Variants in ZBTB20 observed in about 807,000 individuals in gnomAD.
The protein encoded by ZBTB20 is zinc finger and BTB domain containing 20, also known as zinc finger and BTB domain-containing protein 20.
Under a neutral mutation model 56.9 loss-of-function variants are expected in ZBTB20, and 9 were observed. The ratio of observed to expected loss-of-function variants is 0.16; its 90% confidence interval spans 0.10 to 0.28. The LOEUF (loss-of-function observed/expected upper bound fraction) is 0.28, where lower values mean the gene tolerates loss of function less well. Among genes scored for constraint, ZBTB20 ranks in the 10% least tolerant of loss-of-function variants. ZBTB20 has a pLI of 1.00. For missense variants in ZBTB20, 655 were observed against 1,003.0 expected (o/e 0.65, Z 4.69); for synonymous variants, 417 against 420.7 (o/e 0.99, Z 0.11).
intron 7 of ZBTB20, among the ~76,000 whole-genome samples, chr3:114,434,541 G>GGGGTGTGTGTGTGTGTTTGT (rs1553711977): frequency 0.069 from 5,925 of 85,430 alleles, 164 homozygotes; most frequent in Non-Finnish European, 0.12. Flanking sequence ...CTGCAATTGG[G>GGGGTGTGTGTGTGTGTTTGT]GTGTGTGTGT....
At chr3:114,634,015 T>G (rs977183074) in intron 6 of ZBTB20, among the ~76,000 whole-genome samples, 1 of 152,176 alleles carries the variant, frequency 6.6e-6, no homozygotes, top group African/African-American at 2.4e-5. Flanking sequence ...CCACCCAAGT[T>G]CTACCTCATT....
chr3:115,132,413 AG>A (rs2108671873), intron 1 of ZBTB20, among the ~76,000 whole-genome samples: 1 of 152,254 alleles, frequency 6.6e-6, no homozygotes, highest in South Asian at 2.1e-4. Context: ...TCATTTTTCT[AG>A]ATTTTAAAAT....
At chr3:114,453,336 A>C (rs1009211437) in intron 7 of ZBTB20, among the ~76,000 whole-genome samples, 1 of 152,178 alleles carries the variant, frequency 6.6e-6, no homozygotes, top group Non-Finnish European at 1.5e-5. Flanking sequence ...AATTAGAAAC[A>C]AAAATAAAAT....
intron 4 of ZBTB20, among the ~76,000 whole-genome samples, chr3:114,871,907 T>TA (rs1349414051): frequency 1.3e-5 from 2 of 152,164 alleles, no homozygotes; most frequent in African/African-American, 4.8e-5. Flanking sequence ...AATATGCTCC[T>TA]AATCTTCCCT....
intron 2 of ZBTB20, among the ~76,000 whole-genome samples, chr3:114,983,690 T>C (rs762318519): frequency 2.6e-5 from 4 of 152,022 alleles, no homozygotes; most frequent in Non-Finnish European, 5.9e-5. Context: ...ATAAAATATA[T>C]TAACAGCTAT....
intron 6 of ZBTB20, among the ~76,000 whole-genome samples, chr3:114,502,248 A>G (rs2044077192): frequency 6.6e-6 from 1 of 152,198 alleles, no homozygotes; most frequent in African/African-American, 2.4e-5. Context: ...ACTAAAGGAG[A>G]TCAAGTAGAA....
At chr3:114,926,696 G>A (rs1324213967) in intron 3 of ZBTB20, among the ~76,000 whole-genome samples, 4 of 152,158 alleles carry the variant, frequency 2.6e-5, no homozygotes, top group African/African-American at 4.8e-5. Context: ...AGGTAAGAAT[G>A]CAAGTAAAAT....
intron 5 of ZBTB20, among the ~76,000 whole-genome samples, chr3:114,709,137 T>C (rs565246398): frequency 6.6e-6 from 1 of 152,254 alleles, no homozygotes; most frequent in Non-Finnish European, 1.5e-5. Flanking sequence ...TAATCTTAGG[T>C]TCCTGCTTAG....
At chr3:114,679,932 T>C (rs945837158) in intron 6 of ZBTB20, among the ~76,000 whole-genome samples, 3 of 152,154 alleles carry the variant, frequency 2.0e-5, no homozygotes, top group Non-Finnish European at 4.4e-5. Flanking sequence ...GTAGCACATA[T>C]ACACATGGAA....
chr3:114,968,953 A>C (rs1301802065), intron 3 of ZBTB20, among the ~76,000 whole-genome samples: 1 of 152,154 alleles, frequency 6.6e-6, no homozygotes, highest in Non-Finnish European at 1.5e-5. Context: ...TTTTTAATCT[A>C]CAAGTCATCC....
intron 6 of ZBTB20, among the ~76,000 whole-genome samples, chr3:114,527,983 C>T (rs1007889952): frequency 6.7e-6 from 1 of 150,320 alleles, no homozygotes; most frequent in East Asian, 2.0e-4. Context: ...TTGTGTCTTT[C>T]CCTTCATAAT....
At chr3:114,669,555 A>G in intron 6 of ZBTB20, among the ~76,000 whole-genome samples, 1 of 151,938 alleles carries the variant, frequency 6.6e-6, no homozygotes. Flanking sequence ...AAAAATATGA[A>G]GTCATCGACT....
At chr3:114,713,554 T>C (rs2064242916) in intron 5 of ZBTB20, among the ~76,000 whole-genome samples, 1 of 152,288 alleles carries the variant, frequency 6.6e-6, no homozygotes. Context: ...CAAAGCATCA[T>C]CTGGCTTTAA....
At chr3:114,632,096 T>TA (rs763118766) in intron 6 of ZBTB20, among the ~76,000 whole-genome samples, 7 of 152,336 alleles carry the variant, frequency 4.6e-5, no homozygotes, top group Admixed American at 3.3e-4. Context: ...CATCCGTTTT[T>TA]ACCTATGTCT....
chr3:114,769,192 A>G (rs1287874669), intron 5 of ZBTB20, among the ~76,000 whole-genome samples: 2 of 152,146 alleles, frequency 1.3e-5, no homozygotes, highest in African/African-American at 2.4e-5. Flanking sequence ...GAAAAATAAT[A>G]CCGTTGAGTT....
At chr3:114,787,792 T>A (rs549505745) in intron 5 of ZBTB20, among the ~76,000 whole-genome samples, 1 of 152,212 alleles carries the variant, frequency 6.6e-6, no homozygotes, top group Non-Finnish European at 1.5e-5. Context: ...CAGGCTCAAA[T>A]AAAGCCATGG....
chr3:114,977,718 A>G (rs1017332430), intron 2 of ZBTB20, among the ~76,000 whole-genome samples: 1 of 152,152 alleles, frequency 6.6e-6, no homozygotes, highest in Non-Finnish European at 1.5e-5. Flanking sequence ...AATTTTCTGA[A>G]CTCCAATGTG....
intron 2 of ZBTB20, among the ~76,000 whole-genome samples, chr3:115,017,306 A>T (rs2080009109): frequency 6.6e-6 from 1 of 151,672 alleles, no homozygotes; most frequent in Non-Finnish European, 1.5e-5. Context: ...TGAGATACCT[A>T]GGAATACAGC....
At chr3:114,687,610 A>T (rs1430748007) in intron 6 of ZBTB20, 1 of 112,156 alleles carries the variant, frequency 8.9e-6, no homozygotes, top group Admixed American at 1.1e-4. Context: ...GTTGAAAGGT[A>T]AAAAAAAAAA....
Sources: allele counts gnomAD v4.1 joint callset (sites outside exome capture counted in the v4.1 genomes callset), GRCh38; gene constraint gnomAD v4.1.1; transcripts MANE v1.5; gene names NCBI Gene and HGNC (gene_info 2026-07-23, HGNC 2026-07-21).